CCDC171: variants seen among roughly 807,000 people sequenced by gnomAD.
CCDC171 encodes the protein coiled-coil domain-containing protein 171.
In CCDC171, 177 loss-of-function variants were observed where a neutral mutation model predicts 168.2. That is an observed-to-expected ratio of 1.05 (90% CI 0.93 to 1.19). The LOEUF is 1.19. Among genes scored for constraint, CCDC171 ranks in the 50% most tolerant of loss-of-function variants. The pLI is 0.00. For synonymous variants in CCDC171, 687 were observed against 540.8 expected (o/e 1.27, Z -3.75); for missense variants, 1,991 against 1,539.0 (o/e 1.29, Z -4.91).
chr9:15,929,064 A>G (rs1404349411), intron 25 of CCDC171, among the ~76,000 whole-genome samples: 3 of 149,710 alleles, frequency 2.0e-5, no homozygotes, highest in Admixed American at 6.6e-5. Flanking sequence ...AATATAAAAC[A>G]TATTAGATAT....
intron 25 of CCDC171, among the ~76,000 whole-genome samples, chr9:15,968,336 G>A (rs563583144): frequency 1.3e-5 from 2 of 152,212 alleles, no homozygotes; most frequent in South Asian, 2.1e-4. Context: ...ATAAGATTGG[G>A]TGGTGAACAC....
rs558664999 is a variant in CCDC171, at chr9:15,725,010, G to A, written c.1692+34G>A. ...TGAGACTCAATGACTGTCAGGAAGG[G>A]CCTTTCACTAATCTCAGTGTTATAC... On this transcript the variant is annotated intron_variant, in intron 14 of 25. Coordinates refer to ENST00000380701, the MANE Select transcript of CCDC171 (RefSeq NM_173550.4). 126 of 1,480,268 alleles carry A rather than the reference G, an allele frequency of 8.5e-5. No individual in the cohort carries two copies. In the South Asian group the frequency reaches 1.4e-3, roughly 16 times the overall value. 91.7% of individuals were successfully genotyped at this position (1,480,268 alleles called of 1,614,324 possible). A position where few individuals can be genotyped will look rare whatever the true frequency, so the allele number is the denominator to read the frequency against.
intron 23 of CCDC171, among the ~76,000 whole-genome samples, chr9:15,872,491 T>C (rs1490833325): frequency 1.3e-5 from 2 of 152,044 alleles, no homozygotes; most frequent in South Asian, 2.1e-4. Context: ...ACATTGCTTA[T>C]GGTTTTTTTC....
chr9:15,846,843 G>A lies in CCDC171; in HGVS notation c.3409G>A (p.Ala1137Thr), dbSNP rs2060917734. The A allele has an allele frequency of 6.2e-7, 1 of 1,603,838 alleles. No individual in the cohort carries two copies. Among genetic ancestry groups the A allele is most frequent in the Non-Finnish European group, 8.5e-7 (1 of 1,174,474 alleles). ...HDAESALRMA[A>T]KDKECVANHM... is the part of the protein sequence containing the mutation. ...TGCAGAGAGTGCCCTCCGCATGGCAGCCAAGTGAGCATTTGGACCTTGGGG... is the reference window on the plus strand; with the variant it reads ...TGCAGAGAGTGCCCTCCGCATGGCAACCAAGTGAGCATTTGGACCTTGGGG... Residue 1137 changes from alanine to threonine, a missense_variant, in exon 22 of 26, where the codon GCC becomes ACC. Coordinates refer to ENST00000380701, the MANE Select transcript of CCDC171 (RefSeq NM_173550.4).
At chr9:16,070,066 C>A in the CCDC171 span, among the ~76,000 whole-genome samples, 1 of 152,120 alleles carries the variant, frequency 6.6e-6, no homozygotes, top group Non-Finnish European at 1.5e-5. Flanking sequence ...AAAAGGGGAG[C>A]GCTCAGGGAT....
At chr9:15,904,815 G>A (rs1400240888) in intron 24 of CCDC171, among the ~76,000 whole-genome samples, 1 of 151,662 alleles carries the variant, frequency 6.6e-6, no homozygotes. Flanking sequence ...CAAAATAAAA[G>A]GATGGAGGAA....
chr9:16,010,708 ATAGTG>A (rs2132984156), intron 3 of CCDC171, among the ~76,000 whole-genome samples: 1 of 151,652 alleles, frequency 6.6e-6, no homozygotes, highest in South Asian at 2.1e-4. Context: ...CTGCAAGATA[ATAGTG>A]TAGTGTTATT....
At chr9:15,769,658 A>C (rs1293999243) in intron 18 of CCDC171, among the ~76,000 whole-genome samples, 1 of 152,194 alleles carries the variant, frequency 6.6e-6, no homozygotes, top group African/African-American at 2.4e-5. Flanking sequence ...GAGAGTCATC[A>C]CTTACATGGC....
chr9:15,560,498 C>G (rs1022876129), intron 1 of CCDC171, among the ~76,000 whole-genome samples: 12 of 152,108 alleles, frequency 7.9e-5, no homozygotes, highest in African/African-American at 2.9e-4. Flanking sequence ...CAATGATACT[C>G]CTTCTTCCAC....
At chr9:15,827,280 A>G (rs905526983) in intron 21 of CCDC171, among the ~76,000 whole-genome samples, 1 of 152,128 alleles carries the variant, frequency 6.6e-6, no homozygotes, top group Non-Finnish European at 1.5e-5. Flanking sequence ...AAGGGGGGAC[A>G]TGTGGGTGTG....
the CCDC171 span, among the ~76,000 whole-genome samples, chr9:16,086,245 G>T: frequency 6.6e-6 from 1 of 151,814 alleles, no homozygotes; most frequent in Non-Finnish European, 1.5e-5. Flanking sequence ...TTGCATAGAG[G>T]TATTTATAGT....
At chr9:15,670,369 A>G (rs1019186529) in intron 9 of CCDC171, among the ~76,000 whole-genome samples, 1 of 152,192 alleles carries the variant, frequency 6.6e-6, no homozygotes, top group African/African-American at 2.4e-5. Context: ...TATCAAATTA[A>G]TACATGTACA....
chr9:16,041,643 G>A (rs756961770), upstream of CCDC171, among the ~76,000 whole-genome samples: 4 of 152,102 alleles, frequency 2.6e-5, no homozygotes, highest in Non-Finnish European at 5.9e-5. Context: ...CAGAAAACTA[G>A]GATTGGATTA....
intron 6 of CCDC171, among the ~76,000 whole-genome samples, chr9:15,604,409 G>T (rs965583356): frequency 1.3e-5 from 2 of 152,104 alleles, no homozygotes; most frequent in African/African-American, 2.4e-5. Flanking sequence ...TATTTTTCCA[G>T]TTAATTTCAC....
chr9:15,952,017 A>G lies in CCDC171; in HGVS notation c.3754-19592A>G, dbSNP rs181045598. ...TTTTTGGTCTTACATTAGGTCCTTG[A>G]TCCATTTTGATTTAATTTGTGTACA... On this transcript the variant is annotated intron_variant, in intron 25 of 25. Transcript: ENST00000380701. 8.3e-4 allele frequency among the ~76,000 whole-genome samples: 127 copies of G among 152,104 alleles called. 1 individual carries two copies. The highest frequency in any genetic ancestry group is 3.0e-3 in the African/African-American group (124 of 41,514).
At chr9:16,086,165 C>T in the CCDC171 span, among the ~76,000 whole-genome samples, 1 of 152,092 alleles carries the variant, frequency 6.6e-6, no homozygotes, top group Non-Finnish European at 1.5e-5. Context: ...TCGACTTCTT[C>T]CTGGTTTAGT....
intron 25 of CCDC171, among the ~76,000 whole-genome samples, chr9:15,947,832 T>TA (rs1010952151): frequency 5.9e-5 from 9 of 151,456 alleles, no homozygotes; most frequent in East Asian, 2.0e-4. Context: ...TATTTTTTTT[T>TA]AATTTATTAT....
intron 24 of CCDC171, chr9:15,885,599 T>C (rs1327669331): frequency 6.6e-6 from 1 of 152,192 alleles, no homozygotes; most frequent in Non-Finnish European, 1.5e-5. Context: ...GTGAGTTTAT[T>C]ATGGCTTAGT....
intron 1 of CCDC171, among the ~76,000 whole-genome samples, chr9:16,055,457 G>C (rs1270653435): frequency 6.6e-6 from 1 of 152,154 alleles, no homozygotes; most frequent in Non-Finnish European, 1.5e-5. Flanking sequence ...AGTAGGAGAA[G>C]AACCTGCTGA....
Sources: gnomAD v4.1 joint callset for allele counts (sites outside exome capture counted in the v4.1 genomes callset) on GRCh38, gnomAD v4.1.1 for gene constraint, MANE v1.5 for transcripts, NCBI Gene and HGNC (gene_info 2026-07-23, HGNC 2026-07-21) for gene names.